The following PCP4 variants were observed in gnomAD, a reference collection of about 807,000 sequenced individuals.
The protein encoded by PCP4 is calmodulin regulator protein PCP4.
PCP4 carries 8 observed loss-of-function variants against 10.0 expected under a neutral mutation model. The ratio of observed to expected loss-of-function variants is 0.80; its 90% CI spans 0.47 to 1.45. The LOEUF is 1.45. Among genes scored for constraint, PCP4 ranks in the 40% most tolerant of loss-of-function variants. The pLI, the probability that PCP4 is intolerant of heterozygous loss-of-function variation, is 0.00. For missense variants in PCP4, 54 were observed against 74.4 expected, an observed-to-expected ratio of 0.73 and a Z score of 1.01; for synonymous variants, 21 against 23.0, an observed-to-expected ratio of 0.91 and a Z score of 0.24.
At chr21:39,883,985 A>G (rs1158171510) in intron 1 of PCP4, among the ~76,000 whole-genome samples, 1 of 152,188 alleles carries the variant, frequency 6.6e-6, no homozygotes, top group Non-Finnish European at 1.5e-5. Flanking sequence ...TAATAAAAAC[A>G]GACACTGAGG....
intron 2 of PCP4, among the ~76,000 whole-genome samples, chr21:39,902,339 G>T (rs1368929872): frequency 1.3e-5 from 2 of 152,124 alleles, no homozygotes; most frequent in Non-Finnish European, 2.9e-5. Context: ...AATGTATAAA[G>T]CAATAAAGAC....
intron 1 of PCP4, among the ~76,000 whole-genome samples, chr21:39,890,925 G>A (rs1478118518): frequency 6.6e-6 from 1 of 152,100 alleles, no homozygotes; most frequent in Non-Finnish European, 1.5e-5. Flanking sequence ...TTGTTTGTGG[G>A]ACTGTTAGTG....
Position 39,919,967 on chromosome 21 carries a change from TTGG to T in PCP4, c.62-9014_62-9012del, listed in dbSNP as rs573252645. ...ATGTGTGTGGAGTGAGAGGTGTGTGTTGGTGTGTGTGTGGTGTGTGTGTGGGGT... is the reference window on the plus strand; with the variant it reads ...ATGTGTGTGGAGTGAGAGGTGTGTGTTGTGTGTGTGGTGTGTGTGTGGGGT... On this transcript the variant is annotated intron_variant, in intron 2 of 2. Coordinates refer to ENST00000328619, the MANE Select transcript of PCP4 (RefSeq NM_006198.3). Among the ~76,000 whole-genome samples the T allele has an allele frequency of 5.3e-3, 798 of 149,998 alleles. 3 individuals carry two copies. The highest frequency in any genetic ancestry group is 0.018 in the African/African-American group (734 of 40,774).
intron 2 of PCP4, among the ~76,000 whole-genome samples, chr21:39,914,893 G>T (rs1489705326): frequency 6.6e-6 from 1 of 152,244 alleles, no homozygotes; most frequent in African/African-American, 2.4e-5. Context: ...CCTCAGGAGA[G>T]TCAGTCGATA....
intron 1 of PCP4, among the ~76,000 whole-genome samples, chr21:39,890,465 C>T (rs1378235770): frequency 6.6e-6 from 1 of 152,088 alleles, no homozygotes; most frequent in Non-Finnish European, 1.5e-5. Context: ...AAGCGATTCT[C>T]CTGCCCCAGC....
intron 2 of PCP4, among the ~76,000 whole-genome samples, chr21:39,925,124 G>A (rs17827147): frequency 0.12 from 18,480 of 152,176 alleles, 1,351 homozygotes; most frequent in South Asian, 0.23. Flanking sequence ...GCTCCCTGAC[G>A]TCATTCTCAG....
chr21:39,921,234 T>C (rs2087595402), intron 2 of PCP4, among the ~76,000 whole-genome samples: 1 of 152,216 alleles, frequency 6.6e-6, no homozygotes, highest in African/African-American at 2.4e-5. Context: ...CCCAGAGCTA[T>C]ATTGACTGGT....
rs1411824658 is a variant in PCP4 at position 39,926,146 on chromosome 21, G to T, written c.62-2838G>T. 4 of 449,128 alleles carry T rather than the reference G, an allele frequency of 8.9e-6. No homozygotes were observed. The Admixed American group carries it at 9.5e-5, about 11-fold the overall frequency. The allele number at this position is 449,128 out of a possible 1,614,324, so 27.8% of individuals were successfully genotyped here. On this transcript the variant is annotated intron_variant, in intron 2 of 2. Coordinates refer to ENST00000328619, the MANE Select transcript of PCP4 (RefSeq NM_006198.3). ...CATCTGACCTTCCCCGCCGCCCCGG[G>T]AACTGGACTCTCTGAAGTATACAGA...
At chr21:39,899,168 T>C (rs1263123542) in intron 2 of PCP4, among the ~76,000 whole-genome samples, 1 of 152,100 alleles carries the variant, frequency 6.6e-6, no homozygotes, top group East Asian at 1.9e-4. Flanking sequence ...GGGAAGTGCA[T>C]GGATCCTGAA....
intron 2 of PCP4, among the ~76,000 whole-genome samples, chr21:39,920,259 GGT>G (rs56164022): frequency 8.6e-5 from 12 of 139,846 alleles, no homozygotes; most frequent in Admixed American, 2.1e-4. Flanking sequence ...TGTTTGGTGT[GGT>G]GTGTGTGTGT....
intron 2 of PCP4, among the ~76,000 whole-genome samples, chr21:39,915,281 TG>T (rs1179929738): frequency 1.6e-4 from 25 of 151,598 alleles, no homozygotes; most frequent in African/African-American, 6.1e-4. Flanking sequence ...TATGAAGAAA[TG>T]ACCACCCATT....
At chr21:39,891,177 G>GA (rs58586656) in intron 1 of PCP4, among the ~76,000 whole-genome samples, 16 of 151,064 alleles carry the variant, frequency 1.1e-4, no homozygotes, top group African/African-American at 2.2e-4. Flanking sequence ...GCAACTTAGT[G>GA]AAAAAAAAAT....
chr21:39,891,759 C>A (rs1216758165), intron 1 of PCP4, among the ~76,000 whole-genome samples: 1 of 152,192 alleles, frequency 6.6e-6, no homozygotes, highest in Non-Finnish European at 1.5e-5. Context: ...GGGGCCCTTC[C>A]CTTTTAGGTA....
chr21:39,898,215 C>T (rs1049967107), intron 1 of PCP4: 3 of 511,506 alleles, frequency 5.9e-6, no homozygotes, highest in African/African-American at 5.8e-5. Flanking sequence ...TGCTTGATCT[C>T]CCTCCTGGTT....
chr21:39,919,249 A>G (rs1233557039), intron 2 of PCP4, among the ~76,000 whole-genome samples: 1 of 152,246 alleles, frequency 6.6e-6, no homozygotes, highest in Non-Finnish European at 1.5e-5. Flanking sequence ...GGGCCCCAGC[A>G]GCACAGAACT....
chr21:39,927,355 ATC>A (rs60048865), intron 2 of PCP4, among the ~76,000 whole-genome samples: 87 of 60,326 alleles, frequency 1.4e-3, no homozygotes, highest in South Asian at 0.013. Flanking sequence ...CTATCTATCT[ATC>A]TATCTATCTA....
chr21:39,892,066 A>C (rs922527736), intron 1 of PCP4, among the ~76,000 whole-genome samples: 1 of 151,766 alleles, frequency 6.6e-6, no homozygotes, highest in Non-Finnish European at 1.5e-5. Flanking sequence ...AGGAAAGGAG[A>C]CTCCCTTTTG....
At chr21:39,880,654 T>C (rs1402200067) in intron 1 of PCP4, among the ~76,000 whole-genome samples, 1 of 152,236 alleles carries the variant, frequency 6.6e-6, no homozygotes, top group African/African-American at 2.4e-5. Context: ...TATCAAGTCT[T>C]TGGTCCTCAC....
rs373116719 is a variant in PCP4 at position 39,929,044 on chromosome 21, G to C, written c.122G>C (p.Arg41Pro). ...GACATGGATGCACCAGAGACAGAAC[G>C]TGCAGCGGTGGCCATTCAGTCTCAG... Reference protein sequence around the residue: ...DIDMDAPETERAAVAIQSQFR... With the variant: ...DIDMDAPETEPAAVAIQSQFR... The change falls in exon 3 of 3, where the codon CGT (arginine) becomes CCT (proline). Residue 41 changes from arginine (R) to proline (P), a missense_variant. Arg to Pro is a moderately radical substitution (Grantham distance 103). Coordinates refer to ENST00000328619, the MANE Select transcript of PCP4 (RefSeq NM_006198.3). 1.2e-6 allele frequency: 2 copies of C among 1,613,518 alleles called. No homozygotes were observed. The highest frequency in any genetic ancestry group is 1.7e-5 in the Admixed American group (1 of 59,984).
Sources: allele counts gnomAD v4.1 joint callset (sites outside exome capture counted in the v4.1 genomes callset), GRCh38; gene constraint gnomAD v4.1.1; transcripts MANE v1.5; gene names NCBI Gene and HGNC (gene_info 2026-07-23, HGNC 2026-07-21).